Variants in COL22A1 observed in about 807,000 individuals in gnomAD.
COL22A1 encodes collagen alpha-1(XXII) chain.
A neutral mutation model predicts 248.9 loss-of-function variants in COL22A1; 221 were observed. That is an observed-to-expected ratio of 0.89 (90% CI 0.80 to 0.99). The LOEUF is 0.99. Among genes scored for constraint, COL22A1 ranks in the 50% least tolerant of loss-of-function variants. The probability of loss-of-function intolerance (pLI) is 0.00; values close to 1 mark genes in which losing one functional copy is unlikely to be tolerated. For synonymous variants in COL22A1, 891 were observed against 793.4 expected (o/e 1.12, Z -2.07); for missense variants, 2,240 against 2,179.0 (o/e 1.03, Z -0.56).
At position 138,757,393 on chromosome 8, in the gene COL22A1, C is replaced by T. The variant is rs537030713; in HGVS notation, c.1903-1564G>A. On this transcript the variant is annotated intron_variant, in intron 18 of 64. Coordinates refer to ENST00000303045, the MANE Select transcript of COL22A1 (RefSeq NM_152888.3). ...GTTCAAAATCATGTCTTTTTTATGA[C>T]TACTTTGTGTCAACTGTCACATTCC... Among the ~76,000 whole-genome samples the T allele has an allele frequency of 3.9e-5, 6 of 152,244 alleles. No individual in the cohort carries two copies. The South Asian group carries it at 1.2e-3, about 32-fold the overall frequency.
Position 138,711,693 on chromosome 8 carries a change from T to G in COL22A1, c.2517+3989A>C, listed in dbSNP as rs780820562. On this transcript the variant is annotated intron_variant, in intron 30 of 64. Coordinates refer to ENST00000303045, the MANE Select transcript of COL22A1 (RefSeq NM_152888.3). ...CCCAGAGAAGGAGGATGGGAGACAC[T>G]GCCTGGAGCCCAGAAAGCACCTGCG... Among the ~76,000 whole-genome samples, 9 of 152,174 alleles carry G rather than the reference T, an allele frequency of 5.9e-5. No individual in the cohort carries two copies. The South Asian group carries it at 1.0e-3, about 18-fold the overall frequency.
intron 7 of COL22A1, among the ~76,000 whole-genome samples, chr8:138,819,470 C>T (rs762387991): frequency 1.3e-5 from 2 of 151,430 alleles, no homozygotes; most frequent in African/African-American, 2.4e-5. Context: ...AGATGAAAAC[C>T]GCAATATTAC....
At chr8:138,789,436 G>A (rs1446500018) in intron 12 of COL22A1, among the ~76,000 whole-genome samples, 2 of 152,216 alleles carry the variant, frequency 1.3e-5, no homozygotes, top group African/African-American at 2.4e-5. Flanking sequence ...AATAGGAGAT[G>A]GGGGTGCTGA....
At chr8:138,716,375 C>G in intron 28 of COL22A1, 86 bp from the exon 29 acceptor site, 1 of 869,444 alleles carries the variant, frequency 1.2e-6, no homozygotes, top group Non-Finnish European at 1.8e-6. Context: ...AGTTCCTGCT[C>G]TCCAGGAACT....
At chr8:138,731,921 C>T (rs1410442026) in intron 23 of COL22A1, among the ~76,000 whole-genome samples, 1 of 152,142 alleles carries the variant, frequency 6.6e-6, no homozygotes, top group Non-Finnish European at 1.5e-5. Context: ...TAAATCAGTA[C>T]CCTCATTTTA....
intron 2 of COL22A1, among the ~76,000 whole-genome samples, chr8:138,878,952 G>A (rs1027055788): frequency 4.6e-5 from 7 of 152,118 alleles, no homozygotes; most frequent in Admixed American, 2.0e-4. Context: ...AGCTTGTGGT[G>A]AGCCGAGATT....
intron 47 of COL22A1, among the ~76,000 whole-genome samples, chr8:138,642,800 G>A (rs1292233087): frequency 6.6e-6 from 1 of 152,182 alleles, no homozygotes; most frequent in Non-Finnish European, 1.5e-5. Flanking sequence ...GGAAGCCAAG[G>A]CAGGCAGATC....
chr8:138,778,441 G>C, intron 14 of COL22A1, 35 bp from the exon 15 acceptor site: 1 of 1,550,320 alleles, frequency 6.5e-7, no homozygotes, highest in Non-Finnish European at 8.7e-7. Context: ...AAGTTTCAGG[G>C]ATGGAAAAGA....
intron 43 of COL22A1, 34 bp from the exon 44 acceptor site, chr8:138,660,514 A>G: frequency 6.2e-7 from 1 of 1,604,678 alleles, no homozygotes; most frequent in Non-Finnish European, 8.5e-7. Context: ...ATTAACTGTG[A>G]TAAGCACACG....
chr8:138,876,436 T>C (rs1414535876), intron 3 of COL22A1, among the ~76,000 whole-genome samples: 1 of 152,204 alleles, frequency 6.6e-6, no homozygotes, highest in Non-Finnish European at 1.5e-5. Flanking sequence ...TTCTAGACTA[T>C]GAGCACCCTG....
intron 4 of COL22A1, among the ~76,000 whole-genome samples, chr8:138,834,502 G>T (rs956167853): frequency 3.9e-5 from 6 of 152,166 alleles, no homozygotes; most frequent in African/African-American, 1.4e-4. Context: ...GAAATGTCAG[G>T]GAGGGAAGCA....
chr8:138,898,412 C>G (rs563363896), intron 1 of COL22A1, among the ~76,000 whole-genome samples: 6 of 147,490 alleles, frequency 4.1e-5, no homozygotes, highest in Non-Finnish European at 9.0e-5. Flanking sequence ...CCTTCATACC[C>G]TCCGCCACCA....
intron 47 of COL22A1, among the ~76,000 whole-genome samples, chr8:138,637,021 G>A (rs1232560484): frequency 6.6e-6 from 1 of 152,040 alleles, no homozygotes; most frequent in African/African-American, 2.4e-5. Context: ...GTTGGAGAGC[G>A]GGCAGCAGGA....
At chr8:138,778,855 CAA>C (rs2131514081) in intron 14 of COL22A1, among the ~76,000 whole-genome samples, 1 of 152,318 alleles carries the variant, frequency 6.6e-6, no homozygotes, top group South Asian at 2.1e-4. Context: ...CAAGTCCTGA[CAA>C]AGAGCTCAGA....
At chr8:138,662,301 T>A (rs10875431) in intron 42 of COL22A1, among the ~76,000 whole-genome samples, 2 of 151,916 alleles carry the variant, frequency 1.3e-5, no homozygotes, top group Non-Finnish European at 2.9e-5. Context: ...CTCTGGAAAA[T>A]CTTCATTTTG....
At chr8:138,659,147 C>A (rs1349877189) in intron 44 of COL22A1, among the ~76,000 whole-genome samples, 1 of 152,166 alleles carries the variant, frequency 6.6e-6, no homozygotes, top group Non-Finnish European at 1.5e-5. Context: ...GTTTATTTGG[C>A]TGTTGCAAAG....
chr8:138,716,359 G>A, intron 28 of COL22A1, 70 bp from the exon 29 acceptor site: 1 of 1,075,446 alleles, frequency 9.3e-7, no homozygotes, highest in Non-Finnish European at 1.4e-6. Context: ...CAGGCCATGT[G>A]CTCTCAGTTC....
In COL22A1 at chr8:138,658,537, G is replaced by A. The variant is rs181303346; in HGVS notation, c.3285+1899C>T. Among the ~76,000 whole-genome samples the A allele has an allele frequency of 2.0e-5, 3 of 152,258 alleles. No individual in the cohort carries two copies. In the East Asian group the frequency reaches 5.8e-4, roughly 29 times the overall value. On this transcript the variant is annotated intron_variant, in intron 44 of 64. Coordinates refer to ENST00000303045, the MANE Select transcript of COL22A1 (RefSeq NM_152888.3). ...ATGGTTGCAACACTTTGTGAGTATT[G>A]TCACACACCGTGACTTGGAGAATTG...
intron 35 of COL22A1, among the ~76,000 whole-genome samples, chr8:138,693,372 G>T (rs371218836): frequency 8.5e-5 from 13 of 152,202 alleles, no homozygotes; most frequent in Non-Finnish European, 1.8e-4. Context: ...CCTCACCTGC[G>T]AGGGGAGGTC....
Sources: allele counts gnomAD v4.1 joint callset (sites outside exome capture counted in the v4.1 genomes callset), GRCh38; gene constraint gnomAD v4.1.1; transcripts MANE v1.5; gene names NCBI Gene and HGNC (gene_info 2026-07-23, HGNC 2026-07-21).